Variants in PHF24 observed in about 807,000 individuals in gnomAD.
PHF24 encodes the protein Galpha inhibitory interacting protein.
Under a neutral mutation model 42.6 loss-of-function variants are expected in PHF24, and 25 were observed. That is an observed-to-expected ratio of 0.59 (90% CI 0.43 to 0.82). The LOEUF is 0.82. Among genes scored for constraint, PHF24 ranks in the 40% least tolerant of loss-of-function variants. PHF24 has a pLI of 0.00. For synonymous variants in PHF24, 185 were observed against 204.8 expected (o/e 0.90, Z 0.83); for missense variants, 470 against 538.1 (o/e 0.87, Z 1.25).
exon 8 of PHF24, chr9:34,979,170 G>C (rs1390437932): frequency 6.6e-6 from 1 of 152,224 alleles, no homozygotes; most frequent in Admixed American, 6.5e-5. Flanking sequence ...CCCTGAGCAG[G>C]GACTCTTTCA....
the PHF24 span, among the ~76,000 whole-genome samples, chr9:34,856,007 TATTTC>T: frequency 6.6e-6 from 1 of 152,192 alleles, no homozygotes; most frequent in Non-Finnish European, 1.5e-5. Context: ...CTGCCTGTCT[TATTTC>T]AGAAAGATAG....
the PHF24 span, among the ~76,000 whole-genome samples, chr9:34,698,248 C>A: frequency 6.6e-6 from 1 of 152,128 alleles, no homozygotes; most frequent in East Asian, 1.9e-4. Flanking sequence ...GATCCTGGAT[C>A]TCTTTCACAG....
chr9:34,723,816 G>C, the PHF24 span: 3 of 1,551,616 alleles, frequency 1.9e-6, no homozygotes, highest in African/African-American at 4.1e-5. Flanking sequence ...AGCTTGGTTT[G>C]ACTGTCTTGC....
chr9:34,769,008 T>C, the PHF24 span, among the ~76,000 whole-genome samples: 2 of 152,086 alleles, frequency 1.3e-5, no homozygotes, highest in Admixed American at 1.3e-4. Context: ...TTAGAAGATA[T>C]ATTGGAGAAG....
At chr9:34,972,186 C>T (rs1488530589) in intron 2 of PHF24, among the ~76,000 whole-genome samples, 160 bp from the exon 3 acceptor site, 2 of 152,224 alleles carry the variant, frequency 1.3e-5, no homozygotes, top group African/African-American at 4.8e-5. Flanking sequence ...TGGTTCTTGT[C>T]GTCCAGAAAG....
At chr9:34,909,685 G>C in the PHF24 span, among the ~76,000 whole-genome samples, 3 of 150,920 alleles carry the variant, frequency 2.0e-5, no homozygotes, top group Non-Finnish European at 4.4e-5. Context: ...GCAGTGGCGC[G>C]ATCTCGGCTC....
the PHF24 span, chr9:34,889,745 A>G: frequency 2.5e-6 from 1 of 397,480 alleles, no homozygotes; most frequent in Non-Finnish European, 4.4e-6. Flanking sequence ...TTTGCCCTGT[A>G]AAACATGGCC....
At chr9:34,971,147 T>G (rs1277507559) in intron 1 of PHF24, 148 bp from the exon 2 acceptor site, 1 of 608,982 alleles carries the variant, frequency 1.6e-6, no homozygotes, top group Non-Finnish European at 2.6e-6. Context: ...CAACATCTTC[T>G]GATCCTTAAC....
At chr9:34,804,962 A>C in the PHF24 span, among the ~76,000 whole-genome samples, 1 of 152,242 alleles carries the variant, frequency 6.6e-6, no homozygotes, top group East Asian at 1.9e-4. Context: ...GGAATCATAT[A>C]GTATACTATC....
At chr9:34,722,904 A>G in the PHF24 span, among the ~76,000 whole-genome samples, 1 of 152,158 alleles carries the variant, frequency 6.6e-6, no homozygotes, top group African/African-American at 2.4e-5. Flanking sequence ...AGTGCACTCT[A>G]GATAAAAGCT....
the PHF24 span, among the ~76,000 whole-genome samples, chr9:34,870,408 G>A: frequency 6.6e-6 from 1 of 151,862 alleles, no homozygotes; most frequent in African/African-American, 2.4e-5. Flanking sequence ...AATTCTCTGT[G>A]CTCTACCTAT....
chr9:34,856,165 G>A, the PHF24 span, among the ~76,000 whole-genome samples: 2 of 152,158 alleles, frequency 1.3e-5, no homozygotes, highest in African/African-American at 4.8e-5. Flanking sequence ...CTGGTTATCA[G>A]TTCCTGTATT....
the PHF24 span, chr9:34,681,241 G>A: frequency 6.6e-6 from 1 of 152,182 alleles, no homozygotes; most frequent in South Asian, 2.1e-4. Context: ...ATAGAATTTT[G>A]TTGTATTACA....
At chr9:34,951,438 A>C in the PHF24 span, among the ~76,000 whole-genome samples, 1 of 152,228 alleles carries the variant, frequency 6.6e-6, no homozygotes, top group Non-Finnish European at 1.5e-5. Flanking sequence ...TTTATAAGAG[A>C]AAGATTCAAA....
chr9:34,907,238 G>A, the PHF24 span, among the ~76,000 whole-genome samples: 3 of 152,062 alleles, frequency 2.0e-5, no homozygotes, highest in Non-Finnish European at 4.4e-5. Context: ...TTCCCTTAAC[G>A]TAGGCCTCCC....
the PHF24 span, among the ~76,000 whole-genome samples, chr9:34,712,595 T>C: frequency 1.3e-5 from 2 of 152,178 alleles, no homozygotes; most frequent in African/African-American, 4.8e-5. Context: ...TTCCAGAATT[T>C]CTGCTTGAGT....
chr9:34,748,736 A>G, the PHF24 span, among the ~76,000 whole-genome samples: 1 of 152,214 alleles, frequency 6.6e-6, no homozygotes, highest in Non-Finnish European at 1.5e-5. Flanking sequence ...AAGGATGGGT[A>G]TGAACAAGCC....
chr9:34,832,527 C>G, the PHF24 span: 2 of 1,524,598 alleles, frequency 1.3e-6, no homozygotes, highest in Non-Finnish European at 1.8e-6. Context: ...CCCCACAGGG[C>G]TCTTGGCTGG....
At chr9:34,917,161 G>T in the PHF24 span, 1 of 1,324,816 alleles carries the variant, frequency 7.5e-7, no homozygotes, top group South Asian at 1.2e-5. Flanking sequence ...TCGGCACCCA[G>T]AACACCTTCC....
Sources: allele counts gnomAD v4.1 joint callset (sites outside exome capture counted in the v4.1 genomes callset), GRCh38; gene constraint gnomAD v4.1.1; transcripts MANE v1.5; gene names NCBI Gene and HGNC (gene_info 2026-07-23, HGNC 2026-07-21).